Variants in ZNF678 observed in about 807,000 individuals in gnomAD.
The protein encoded by ZNF678 is hypothetical protein MGC42493.
A neutral mutation model predicts 3.0 loss-of-function variants in ZNF678; 5 were observed. The ratio of observed to expected loss-of-function variants is 1.69; its 90% CI spans 0.88 to 3.56. The LOEUF (loss-of-function observed/expected upper bound fraction) is 3.56, where lower values mean the gene tolerates loss of function less well. Among genes scored for constraint, ZNF678 ranks in the 30% most tolerant of loss-of-function variants. The probability of loss-of-function intolerance (pLI) is 0.00; values close to 1 mark genes in which losing one functional copy is unlikely to be tolerated. For synonymous variants in ZNF678, 218 were observed against 199.6 expected, an observed-to-expected ratio of 1.09 and a Z score of -0.78; for missense variants, 593 against 605.0, an observed-to-expected ratio of 0.98 and a Z score of 0.21.
rs1659314440 is a variant in ZNF678, at chr1:227,658,458, C to T, written c.*2630C>T. 6.6e-6 allele frequency: 1 copy of T among 151,846 alleles called. No individual in the cohort carries two copies. The highest frequency in any genetic ancestry group is 1.5e-5 in the Non-Finnish European group (1 of 67,904). 9.4% of individuals were successfully genotyped at this position (151,846 alleles called of 1,614,324 possible). Reference sequence around the variant, plus strand: ...GCATGTAAAGAAAACACATGTATACCCAGGCTGTACAACTGCCTCTGAAAT... The same window carrying T: ...GCATGTAAAGAAAACACATGTATACTCAGGCTGTACAACTGCCTCTGAAAT... On this transcript the variant is annotated 3_prime_UTR_variant, in exon 4 of 4. Transcript: ENST00000343776.
At chr1:227,678,766 C>G (rs117122732), downstream of ZNF678, among the ~76,000 whole-genome samples, 760 of 152,294 alleles carry the variant, frequency 5.0e-3, 19 homozygotes, top group South Asian at 0.057. Context: ...CATATGTTAA[C>G]TCAATTGGAG....
rs189065394 is a variant in ZNF678, at chr1:227,650,885, A to C, written c.-36-71A>C. The stretch of plus-strand genomic sequence containing the variant: ...TAAGATAATGTCATCAACAAACAGC[A>C]GTATTTTTACTTCTTTCTTTTCAAT... On this transcript the variant is annotated intron_variant, in intron 2 of 3. Coordinates refer to ENST00000343776, the MANE Select transcript of ZNF678 (RefSeq NM_001367909.1). 173 of 1,130,276 alleles carry C rather than the reference A, an allele frequency of 1.5e-4. 1 individual carries two copies. In the Admixed American group the frequency reaches 3.6e-3, roughly 24 times the overall value. The allele number at this position is 1,130,276 out of a possible 1,614,324, so 70.0% of individuals were successfully genotyped here. A position where few individuals can be genotyped will look rare whatever the true frequency, so the allele number is the denominator to read the frequency against.
intron 1 of ZNF678, among the ~76,000 whole-genome samples, chr1:227,593,158 C>T (rs990661120): frequency 2.6e-5 from 4 of 152,224 alleles, no homozygotes; most frequent in Non-Finnish European, 4.4e-5. Flanking sequence ...AAAGAGCTAC[C>T]ATGCAGCCTA....
chr1:227,623,983 A>G (rs1658345374), intron 1 of ZNF678, among the ~76,000 whole-genome samples: 1 of 152,162 alleles, frequency 6.6e-6, no homozygotes, highest in African/African-American at 2.4e-5. Context: ...AAACATTTTA[A>G]ATGTATCCAT....
intron 1 of ZNF678, among the ~76,000 whole-genome samples, chr1:227,581,392 G>A (rs1329282855): frequency 1.3e-5 from 2 of 151,752 alleles, no homozygotes; most frequent in African/African-American, 4.8e-5. Flanking sequence ...AGAAAGAAAG[G>A]AAAAATTAAA....
chr1:227,583,926 TG>T (rs1157983483), intron 1 of ZNF678, among the ~76,000 whole-genome samples: 1 of 152,218 alleles, frequency 6.6e-6, no homozygotes, highest in Admixed American at 6.5e-5. Context: ...CAGAGACCCA[TG>T]CATCCAAAAA....
chr1:227,667,147 G>T (rs535044860), downstream of ZNF678, among the ~76,000 whole-genome samples: 1 of 151,280 alleles, frequency 6.6e-6, no homozygotes, highest in Admixed American at 6.6e-5. Context: ...GGGGTCAAGC[G>T]ATCCTCCTTC....
intron 1 of ZNF678, among the ~76,000 whole-genome samples, chr1:227,590,006 A>G (rs1443544070): frequency 6.6e-6 from 1 of 151,682 alleles, no homozygotes; most frequent in Non-Finnish European, 1.5e-5. Context: ...ACAGATAGTG[A>G]TTTATTGTAA....
intron 1 of ZNF678, among the ~76,000 whole-genome samples, chr1:227,589,753 C>T (rs906590990): frequency 2.0e-5 from 3 of 151,730 alleles, no homozygotes; most frequent in Non-Finnish European, 4.4e-5. Context: ...CTATAGATAA[C>T]ATAACAGGTT....
At chr1:227,570,096 C>G (rs570736095) in intron 1 of ZNF678, among the ~76,000 whole-genome samples, 31 of 152,144 alleles carry the variant, frequency 2.0e-4, no homozygotes, top group African/African-American at 7.2e-4. Flanking sequence ...TGTTTTTGGG[C>G]AGACTGGATT....
intron 1 of ZNF678, among the ~76,000 whole-genome samples, chr1:227,605,912 A>G (rs1657856424): frequency 6.6e-6 from 1 of 152,242 alleles, no homozygotes. Context: ...GGATAAATTA[A>G]TTGTTCTCTA....
intron 1 of ZNF678, among the ~76,000 whole-genome samples, chr1:227,596,215 G>T (rs1465102547): frequency 6.6e-6 from 1 of 152,190 alleles, no homozygotes; most frequent in African/African-American, 2.4e-5. Flanking sequence ...GCTGCATAAG[G>T]AGCTGCCGCA....
intron 1 of ZNF678, among the ~76,000 whole-genome samples, chr1:227,626,386 G>T (rs1463914608): frequency 6.6e-6 from 1 of 152,128 alleles, no homozygotes; most frequent in Non-Finnish European, 1.5e-5. Context: ...GACTGAGTAG[G>T]GTCCTTCCCA....
chr1:227,566,442 G>T (rs1399457750), intron 1 of ZNF678, among the ~76,000 whole-genome samples: 2 of 152,216 alleles, frequency 1.3e-5, no homozygotes, highest in East Asian at 3.9e-4. Context: ...CAGTGAGCTG[G>T]TGCGAGAACA....
downstream of ZNF678, among the ~76,000 whole-genome samples, chr1:227,679,518 C>A (rs1659732873): frequency 6.6e-6 from 1 of 151,378 alleles, no homozygotes; most frequent in South Asian, 2.1e-4. Flanking sequence ...CACGTACCCC[C>A]TGCTTGCTCA....
In ZNF678 at chr1:227,622,931, TAA is replaced by T. The variant is rs1571893849; in HGVS notation, c.-163-23612_-163-23611del. ...CAGATCAATACATGCTTCTTACTAT[TAA>T]TATAATCACATTCTTGCAATGAGGG... On this transcript the variant is annotated intron_variant, in intron 1 of 3. Coordinates refer to ENST00000343776, the MANE Select transcript of ZNF678 (RefSeq NM_001367909.1). Among the ~76,000 whole-genome samples the T allele has an allele frequency of 5.3e-5, 8 of 152,332 alleles. No homozygotes were observed. The East Asian group carries it at 1.4e-3, about 26-fold the overall frequency.
intron 1 of ZNF678, among the ~76,000 whole-genome samples, chr1:227,595,767 A>G (rs913055976): frequency 3.3e-5 from 5 of 152,202 alleles, no homozygotes; most frequent in Admixed American, 2.6e-4. Flanking sequence ...CAAAGTATCA[A>G]ACAATCCAAG....
At chr1:227,648,215 A>G (rs1295809546) in intron 2 of ZNF678, among the ~76,000 whole-genome samples, 2 of 152,172 alleles carry the variant, frequency 1.3e-5, no homozygotes, top group African/African-American at 4.8e-5. Context: ...AAGATTGCTG[A>G]GCGTATATTA....
intron 1 of ZNF678, among the ~76,000 whole-genome samples, chr1:227,621,367 C>T (rs1658276844): frequency 1.3e-5 from 2 of 152,190 alleles, no homozygotes; most frequent in Non-Finnish European, 2.9e-5. Context: ...CTGCCAGGCT[C>T]AGTGGAGGAG....
Sources: gnomAD v4.1 joint callset for allele counts (sites outside exome capture counted in the v4.1 genomes callset) on GRCh38, gnomAD v4.1.1 for gene constraint, MANE v1.5 for transcripts, NCBI Gene and HGNC (gene_info 2026-07-23, HGNC 2026-07-21) for gene names.